PCDH15: variants seen among roughly 807,000 people sequenced by gnomAD.
The protein encoded by PCDH15 is protocadherin related 15, also known as protocadherin-15.
PCDH15 carries 129 observed loss-of-function variants against 178.5 expected under a neutral mutation model. The observed-to-expected ratio is 0.72, with a 90% CI of 0.63 to 0.84. PCDH15 has a LOEUF of 0.84. PCDH15 is among the 40% of genes least tolerant of loss of function. PCDH15 has a pLI of 0.00. For synonymous variants in PCDH15, 800 were observed against 732.0 expected (o/e 1.09, Z -1.50); for missense variants, 2,230 against 2,099.9 (o/e 1.06, Z -1.21).
rs543340803 is a variant in PCDH15 at position 54,519,904 on chromosome 10, G to C, written c.157+7908C>G. Among the ~76,000 whole-genome samples the C allele has an allele frequency of 2.0e-4, 31 of 152,026 alleles. No homozygotes were observed. In the South Asian group the frequency reaches 3.3e-3, roughly 16 times the overall value. On this transcript the variant is annotated intron_variant, in intron 3 of 37. Transcript: ENST00000644397. ...AACAGAACAGAGCCCTCAGAAATAA[G>C]GCCGCATATCTACAACTATCTGATC...
intron 1 of PCDH15, among the ~76,000 whole-genome samples, chr10:54,760,833 G>A (rs944837654): frequency 6.6e-6 from 1 of 152,128 alleles, no homozygotes; most frequent in Non-Finnish European, 1.5e-5. Flanking sequence ...AATGGCTGAG[G>A]AGTATGGGTA....
chr10:53,823,276 G>A, intron 32 of PCDH15: 1 of 1,613,946 alleles, frequency 6.2e-7, no homozygotes, highest in South Asian at 1.1e-5. Flanking sequence ...GAAGAAAAGG[G>A]CATCACAACT....
At chr10:55,385,321 C>G (rs1837627482) in intron 2 of PCDH15, among the ~76,000 whole-genome samples, 1 of 151,944 alleles carries the variant, frequency 6.6e-6, no homozygotes, top group African/African-American at 2.4e-5. Context: ...GACAGATTAC[C>G]AATGGAAAGA....
intron 2 of PCDH15, among the ~76,000 whole-genome samples, chr10:55,079,960 G>GT (rs986484277): frequency 5.3e-5 from 8 of 152,138 alleles, no homozygotes; most frequent in Non-Finnish European, 1.2e-4. Flanking sequence ...TTAGGCTCTA[G>GT]TAGGTAGAAC....
intron 2 of PCDH15, among the ~76,000 whole-genome samples, chr10:54,932,100 C>G (rs1385341149): frequency 6.6e-6 from 1 of 152,170 alleles, no homozygotes; most frequent in African/African-American, 2.4e-5. Context: ...CTACAGCATA[C>G]TTTTAATCCT....
intron 1 of PCDH15, among the ~76,000 whole-genome samples, chr10:54,668,043 A>C (rs2094599800): frequency 1.3e-5 from 2 of 152,102 alleles, no homozygotes; most frequent in Non-Finnish European, 2.9e-5. Context: ...AAACATACTA[A>C]TTTTGAATTT....
At chr10:55,003,796 C>T (rs774178933) in intron 2 of PCDH15, among the ~76,000 whole-genome samples, 2 of 150,366 alleles carry the variant, frequency 1.3e-5, no homozygotes, top group Non-Finnish European at 3.0e-5. Context: ...GGCCTCATAC[C>T]TTATCTACAC....
At chr10:54,633,458 T>A (rs1027935052) in intron 2 of PCDH15, among the ~76,000 whole-genome samples, 14 of 151,912 alleles carry the variant, frequency 9.2e-5, no homozygotes, top group African/African-American at 3.1e-4. Context: ...AACACTAGTG[T>A]CAAAGATCAA....
At chr10:54,160,964 T>C (rs1057373779) in intron 13 of PCDH15, among the ~76,000 whole-genome samples, 1 of 152,112 alleles carries the variant, frequency 6.6e-6, no homozygotes, top group Non-Finnish European at 1.5e-5. Flanking sequence ...AGTTTGACAG[T>C]TTATTTAAAA....
intron 8 of PCDH15, among the ~76,000 whole-genome samples, chr10:54,298,275 A>G (rs2133197895): frequency 6.6e-6 from 1 of 152,318 alleles, no homozygotes; most frequent in Non-Finnish European, 1.5e-5. Context: ...AGATATCAAA[A>G]GAAAGCTCCA....
At chr10:54,925,447 T>C (rs1475217034) in intron 2 of PCDH15, among the ~76,000 whole-genome samples, 2 of 152,110 alleles carry the variant, frequency 1.3e-5, no homozygotes, top group Non-Finnish European at 2.9e-5. Flanking sequence ...TGTTTTCACA[T>C]TAATTTTAAA....
chr10:54,390,658 G>A (rs115189929), intron 3 of PCDH15, among the ~76,000 whole-genome samples: 2,997 of 152,158 alleles, frequency 0.02, 114 homozygotes, highest in African/African-American at 0.068. Flanking sequence ...TTCCTGTCTT[G>A]ACTAAAAGCT....
intron 3 of PCDH15, among the ~76,000 whole-genome samples, chr10:54,433,284 C>T (rs1178123707): frequency 1.3e-5 from 2 of 152,134 alleles, no homozygotes; most frequent in East Asian, 3.9e-4. Context: ...TTGGCCAGCA[C>T]TGTTCACAAA....
At chr10:54,244,283 T>C (rs1441233042) in intron 8 of PCDH15, among the ~76,000 whole-genome samples, 1 of 152,202 alleles carries the variant, frequency 6.6e-6, no homozygotes, top group African/African-American at 2.4e-5. Context: ...TTGAATACTT[T>C]TACTGATACT....
At chr10:55,611,703 T>C (rs547809957) in intron 2 of PCDH15, among the ~76,000 whole-genome samples, 1 of 152,194 alleles carries the variant, frequency 6.6e-6, no homozygotes, top group East Asian at 1.9e-4. Flanking sequence ...TATCAACACT[T>C]CCATGTTCAT....
intron 23 of PCDH15, among the ~76,000 whole-genome samples, chr10:53,949,782 T>G (rs1455017240): frequency 6.6e-6 from 1 of 152,182 alleles, no homozygotes; most frequent in Non-Finnish European, 1.5e-5. Context: ...TTAATTCTCT[T>G]TAATAATGAA....
At chr10:53,847,031 T>G (rs1359599993) in intron 28 of PCDH15, among the ~76,000 whole-genome samples, 1 of 152,050 alleles carries the variant, frequency 6.6e-6, no homozygotes, top group Non-Finnish European at 1.5e-5. Flanking sequence ...TAGATTAAAA[T>G]TAAACCTCCA....
intron 1 of PCDH15, among the ~76,000 whole-genome samples, chr10:55,222,511 C>G (rs1005845822): frequency 1.3e-5 from 2 of 151,476 alleles, no homozygotes; most frequent in Non-Finnish European, 2.9e-5. Context: ...TTTTTATTAA[C>G]GTTGTAAAAT....
intron 1 of PCDH15, among the ~76,000 whole-genome samples, chr10:55,306,971 T>C (rs1843442444): frequency 6.6e-6 from 1 of 151,786 alleles, no homozygotes; most frequent in Admixed American, 6.6e-5. Context: ...GGCAAAAAAG[T>C]TGTGTTCAAT....
Sources: gnomAD v4.1 joint callset for allele counts (sites outside exome capture counted in the v4.1 genomes callset) on GRCh38, gnomAD v4.1.1 for gene constraint, MANE v1.5 for transcripts, NCBI Gene and HGNC (gene_info 2026-07-23, HGNC 2026-07-21) for gene names.